DBF4: variants seen among roughly 807,000 people sequenced by gnomAD.
DBF4 encodes the protein DBF4-CDC7 kinase regulatory subunit.
Under a neutral mutation model 76.6 loss-of-function variants are expected in DBF4, and 25 were observed. The observed-to-expected ratio is 0.33, with a 90% CI of 0.24 to 0.46. The LOEUF is 0.46. Among genes scored for constraint, DBF4 ranks in the 20% least tolerant of loss-of-function variants. The pLI, the probability that DBF4 is intolerant of heterozygous loss-of-function variation, is 1.00. For missense variants in DBF4, 638 were observed against 760.8 expected (o/e 0.84, Z 1.90); for synonymous variants, 213 against 258.0 (o/e 0.83, Z 1.67).
In DBF4 at chr7:87,909,551, A is replaced by C. The variant is rs1036602320; in HGVS notation, c.*1388A>C. On this transcript the variant is annotated 3_prime_UTR_variant, in exon 12 of 12. Transcript: ENST00000265728. ...AAGAGTCTTTACAGTGCATACACGC[A>C]AACCCTGTTTCCATTGTAAATTATT... 6.6e-6 allele frequency: 1 copy of C among 152,210 alleles called. No individual in the cohort carries two copies. The highest frequency in any genetic ancestry group is 1.5e-5 in the Non-Finnish European group (1 of 68,038). The allele number at this position is 152,210 out of a possible 1,614,324, so 9.4% of individuals were successfully genotyped here.
At chr7:87,899,931 C>A (rs1839731041) in intron 8 of DBF4, among the ~76,000 whole-genome samples, 1 of 152,024 alleles carries the variant, frequency 6.6e-6, no homozygotes, top group Non-Finnish European at 1.5e-5. Flanking sequence ...CGTCATCTTA[C>A]AAAAGATGGA....
At chr7:87,883,579 T>G (rs1437646735) in intron 2 of DBF4, among the ~76,000 whole-genome samples, 2 of 152,132 alleles carry the variant, frequency 1.3e-5, no homozygotes, top group African/African-American at 2.4e-5. Context: ...GGCATTTGAG[T>G]CTAATCCCTG....
chr7:87,905,569 C>T (rs1839895751), intron 11 of DBF4, among the ~76,000 whole-genome samples: 1 of 152,032 alleles, frequency 6.6e-6, no homozygotes, highest in South Asian at 2.1e-4. Context: ...TGCACATTGA[C>T]AAAAATTGTC....
In DBF4 at chr7:87,908,125, T is replaced by A; in HGVS notation, c.1987T>A (p.Phe663Ile). Residue 663 changes from phenylalanine (F) to isoleucine (I), a missense_variant, in exon 12 of 12, where the codon TTC (phenylalanine) becomes ATC (isoleucine). Physicochemically the swap from Phe to Ile is conservative, Grantham distance 21. Coordinates refer to ENST00000265728, the MANE Select transcript of DBF4 (RefSeq NM_006716.4). The stretch of plus-strand genomic sequence containing the variant: ...TTCAGATAATCTGTTAACAGCGTTT[T>A]TCTCGTCCCCTTCAACTTCTACATT... ...ENSDNLLTAF[F>I]SSPSTSTFTG... 6.2e-7 allele frequency: 1 copy of A among 1,603,010 alleles called. No homozygotes were observed. Among genetic ancestry groups the A allele is most frequent in the Non-Finnish European group, 8.5e-7 (1 of 1,175,282 alleles).
At position 87,908,388 on chromosome 7, in the gene DBF4, G is replaced by GT; in HGVS notation, c.*226dup. Reference sequence around the variant, plus strand: ...CTTGTTTTACATTATATATATGTTCGTAATTGTTTCCTGAGAATTACAATG... The same window carrying GT: ...CTTGTTTTACATTATATATATGTTCGTTAATTGTTTCCTGAGAATTACAATG... On this transcript the variant is annotated 3_prime_UTR_variant, in exon 12 of 12. Transcript: ENST00000265728. 3.1e-6 allele frequency: 1 copy of GT among 327,168 alleles called. No homozygotes were observed. The highest frequency in any genetic ancestry group is 5.3e-6 in the Non-Finnish European group (1 of 189,716). 20.3% of individuals were successfully genotyped at this position (327,168 alleles called of 1,614,324 possible). A position where few individuals can be genotyped will look rare whatever the true frequency, so the allele number is the denominator to read the frequency against.
chr7:87,898,776 G>GC (rs530163075), intron 8 of DBF4, among the ~76,000 whole-genome samples: 115 of 141,488 alleles, frequency 8.1e-4, no homozygotes, highest in African/African-American at 3.0e-3. Flanking sequence ...GGGGGACAGA[G>GC]CAAGACTCCG....
intron 10 of DBF4, among the ~76,000 whole-genome samples, chr7:87,903,236 C>G (rs762665607): frequency 1.9e-4 from 29 of 152,214 alleles, no homozygotes; most frequent in Non-Finnish European, 3.7e-4. Context: ...GCATGCGCCA[C>G]CACGCCTGGC....
At chr7:87,903,282 G>C (rs778151187) in intron 10 of DBF4, among the ~76,000 whole-genome samples, 1 of 152,136 alleles carries the variant, frequency 6.6e-6, no homozygotes, top group East Asian at 1.9e-4. Context: ...ATTTCACCGT[G>C]TTGGCCAGGA....
At chr7:87,879,280 C>T (rs189576281) in intron 2 of DBF4, among the ~76,000 whole-genome samples, 72 of 152,280 alleles carry the variant, frequency 4.7e-4, no homozygotes, top group South Asian at 2.9e-3. Flanking sequence ...ATCAGAAGAA[C>T]ATGTGCTAAC....
At chr7:87,896,356 C>T in intron 6 of DBF4, 118 bp from the exon 7 acceptor site, 1 of 733,836 alleles carries the variant, frequency 1.4e-6, no homozygotes, top group South Asian at 1.7e-5. Context: ...AAGAATAATC[C>T]TTCTTTGATA....
At position 87,909,173 on chromosome 7, in the gene DBF4, G is replaced by T. The variant is rs1357400242; in HGVS notation, c.*1010G>T. ...GATACAGTTTTGGGATATATACAAGGATTGCCTTGATCTGGCACTTACTGA... is the reference window on the plus strand; with the variant it reads ...GATACAGTTTTGGGATATATACAAGTATTGCCTTGATCTGGCACTTACTGA... On this transcript the variant is annotated 3_prime_UTR_variant, in exon 12 of 12. Transcript: ENST00000265728. 5.9e-5 allele frequency: 9 copies of T among 152,162 alleles called. No individual in the cohort carries two copies. 9.4% of individuals were successfully genotyped at this position (152,162 alleles called of 1,614,324 possible). A position where few individuals can be genotyped will look rare whatever the true frequency, so the allele number is the denominator to read the frequency against.
chr7:87,890,116 GA>G (rs1839448463), intron 6 of DBF4, among the ~76,000 whole-genome samples: 1 of 152,120 alleles, frequency 6.6e-6, no homozygotes, highest in Non-Finnish European at 1.5e-5. Context: ...AAGTTTCATA[GA>G]ACAATAGTTA....
intron 2 of DBF4, among the ~76,000 whole-genome samples, chr7:87,880,336 T>A (rs117992819): frequency 0.01 from 1,565 of 152,344 alleles, 11 homozygotes; most frequent in Non-Finnish European, 0.017. Context: ...CTGAAATGAT[T>A]GAAGTAGACC....
intron 2 of DBF4, among the ~76,000 whole-genome samples, chr7:87,882,898 T>C (rs1211487453): frequency 2.0e-5 from 3 of 152,148 alleles, no homozygotes; most frequent in Admixed American, 6.6e-5. Flanking sequence ...GTATGGGTAG[T>C]TTCTGAAAAA....
At chr7:87,898,607 C>T (rs1281600604) in intron 8 of DBF4, among the ~76,000 whole-genome samples, 4 of 151,824 alleles carry the variant, frequency 2.6e-5, no homozygotes, top group South Asian at 4.2e-4. Flanking sequence ...CTGGCTAATA[C>T]GGTGAAACCC....
At position 87,887,314 on chromosome 7, in the gene DBF4, CT is replaced by C. The variant is rs750054692; in HGVS notation, c.451-5del. On this transcript the variant is annotated splice_polypyrimidine_tract_variant and intron_variant, in intron 4 of 11. Transcript: ENST00000265728. The stretch of plus-strand genomic sequence containing the variant: ...ATAATTTCCTAGAACAACCATAAAA[CT>C]TTTTTTTTTACAGGATTTTATTCCT... 3,034 of 1,319,014 alleles carry C rather than the reference CT, an allele frequency of 2.3e-3. No individual in the cohort carries two copies. Among genetic ancestry groups the C allele is most frequent in the Admixed American group, 4.9e-3 (195 of 39,730 alleles). 81.7% of individuals were successfully genotyped at this position (1,319,014 alleles called of 1,614,324 possible).
Position 87,876,792 on chromosome 7 carries a change from C to T in DBF4, c.46+14C>T, listed in dbSNP as rs370867177. On this transcript the variant is annotated intron_variant, in intron 1 of 11. Coordinates refer to ENST00000265728, the MANE Select transcript of DBF4 (RefSeq NM_006716.4). ...GACATTTCCAGGGTAAGAAGCCCCTCCTCCGCCTGCAGTCCCTTTAATCCT... is the reference window on the plus strand; with the variant it reads ...GACATTTCCAGGGTAAGAAGCCCCTTCTCCGCCTGCAGTCCCTTTAATCCT... 2 of 1,613,902 alleles carry T rather than the reference C, an allele frequency of 1.2e-6. No homozygotes were observed. Among genetic ancestry groups the T allele is most frequent in the Admixed American group, 3.3e-5 (2 of 60,006 alleles).
rs558364102 is a variant in DBF4, at chr7:87,903,718, G to A, written c.925-574G>A. ...TTTTTTTTTTTTTTTTTTTTGAGAC[G>A]AAGTCTTGCTCTGTTGCCCAGGCTT... On this transcript the variant is annotated intron_variant, in intron 10 of 11. Coordinates refer to ENST00000265728, the MANE Select transcript of DBF4 (RefSeq NM_006716.4). Among the ~76,000 whole-genome samples, 5 of 110,104 alleles carry A rather than the reference G, an allele frequency of 4.5e-5. No individual in the cohort carries two copies. The East Asian group carries it at 7.9e-4, about 17-fold the overall frequency. 72.2% of individuals were successfully genotyped at this position (110,104 alleles called of 152,430 possible).
chr7:87,887,828 T>G, intron 5 of DBF4, 155 bp from the exon 6 acceptor site: 1 of 721,292 alleles, frequency 1.4e-6, no homozygotes, highest in South Asian at 2.6e-5. Flanking sequence ...GGGTTAAATT[T>G]CAACATGAGT....
Sources: gnomAD v4.1 joint callset for allele counts (sites outside exome capture counted in the v4.1 genomes callset) on GRCh38, gnomAD v4.1.1 for gene constraint, MANE v1.5 for transcripts, NCBI Gene and HGNC (gene_info 2026-07-23, HGNC 2026-07-21) for gene names.